The following PTCD1 variants were observed in gnomAD, a reference collection of about 807,000 sequenced individuals.
PTCD1 encodes pentatricopeptide repeat domain 1, also known as pentatricopeptide repeat-containing protein 1, mitochondrial.
A neutral mutation model predicts 53.4 loss-of-function variants in PTCD1; 50 were observed. That is an observed-to-expected ratio of 0.94 (90% confidence interval 0.75 to 1.19). PTCD1 has a LOEUF of 1.19. PTCD1 is among the 50% of genes most tolerant of loss of function. PTCD1 has a pLI of 0.00. For synonymous variants in PTCD1, 413 were observed against 394.8 expected, an observed-to-expected ratio of 1.05 and a Z score of -0.55; for missense variants, 918 against 904.8, an observed-to-expected ratio of 1.01 and a Z score of -0.19.
rs748735202 is a variant in PTCD1 at position 99,425,442 on chromosome 7, T to A, written c.1090A>T (p.Arg364Trp). The change falls in exon 6 of 8, where the codon AGG becomes TGG. Residue 364 changes from arginine to tryptophan, a missense_variant. Transcript: ENST00000292478. Reference protein sequence around the residue: ...LQPPVSRQRPRRTAQAKAGNL... With the variant: ...LQPPVSRQRPWRTAQAKAGNL... The stretch of plus-strand genomic sequence containing the variant: ...CCTGCCTTGGCCTGGGCTGTCCTCC[T>A]TGGCCGCTGCCTGCTCACTGGGGGC... 20 of 1,613,956 alleles carry A rather than the reference T, an allele frequency of 1.2e-5. No individual in the cohort carries two copies. Among genetic ancestry groups the A allele is most frequent in the Non-Finnish European group, 1.7e-5 (20 of 1,180,010 alleles).
intron 3 of PTCD1, chr7:99,433,038 CTG>C: frequency 1.7e-6 from 1 of 602,164 alleles, no homozygotes; most frequent in South Asian, 1.9e-5. Context: ...GAGGCTCCCT[CTG>C]TTTTTTTTTG....
chr7:99,428,335 G>A (rs959153300), intron 5 of PTCD1, among the ~76,000 whole-genome samples: 3 of 150,362 alleles, frequency 2.0e-5, no homozygotes, highest in African/African-American at 7.4e-5. Context: ...CCCAGGAGGT[G>A]GAGCTTGCAG....
At chr7:99,427,731 T>G (rs1584459867) in intron 5 of PTCD1, among the ~76,000 whole-genome samples, 2 of 151,968 alleles carry the variant, frequency 1.3e-5, no homozygotes, top group East Asian at 3.9e-4. Flanking sequence ...GAAGTAGACA[T>G]GGGAGACTTT....
rs1047628192 is a variant in PTCD1, at chr7:99,431,479, C to T, written c.595-1673G>A. ...GTAATGGGCTGGGTGCGGTGGCTCA[C>T]GCCTGTAATTCTAGCACTTTGGGAG... On this transcript the variant is annotated intron_variant, in intron 3 of 7. Transcript: ENST00000292478. Among the ~76,000 whole-genome samples, 10 of 152,280 alleles carry T rather than the reference C, an allele frequency of 6.6e-5. 1 individual carries two copies. The South Asian group carries it at 1.9e-3, about 28-fold the overall frequency.
At chr7:99,427,479 T>TG (rs1168517111) in intron 5 of PTCD1, among the ~76,000 whole-genome samples, 26 of 80,554 alleles carry the variant, frequency 3.2e-4, no homozygotes, top group South Asian at 8.1e-4. Context: ...GGGAGGGAGG[T>TG]GGGGGGGGTC....
rs1796187575 is a variant in PTCD1 at position 99,429,731 on chromosome 7, T to C, written c.670A>G (p.Lys224Glu). The C allele has an allele frequency of 6.2e-7, 1 of 1,614,034 alleles. No homozygotes were observed. Among genetic ancestry groups the C allele is most frequent in the Non-Finnish European group, 8.5e-7 (1 of 1,180,032 alleles). The change falls in exon 4 of 8, where the codon AAG (lysine) becomes GAG (glutamate). Residue 224 changes from lysine (K) to glutamate (E), a missense_variant. Physicochemically the swap from Lys to Glu is moderately conservative, Grantham distance 56 (BLOSUM62 1). Transcript: ENST00000292478. The stretch of plus-strand genomic sequence containing the variant: ...AGGGCGCTCTGTAGAGCTGAGTCCT[T>C]CCAGGGGGACTCGGCACAGACGTTG... ...LFNVCAESPW[K>E]DSALQSALKL... is the part of the protein sequence containing the mutation.
rs761069100 is a variant in PTCD1 at position 99,434,890 on chromosome 7, C to A, written c.353G>T (p.Arg118Ile). The A allele has an allele frequency of 1.2e-6, 2 of 1,614,226 alleles. No individual in the cohort carries two copies. The highest frequency in any genetic ancestry group is 1.1e-5 in the South Asian group (1 of 91,086). The change falls in exon 2 of 8, where the codon AGA becomes ATA. Residue 118 changes from arginine to isoleucine, a missense_variant. Arg to Ile is a moderately conservative substitution (Grantham distance 97). Coordinates refer to ENST00000292478, the MANE Select transcript of PTCD1 (RefSeq NM_015545.4). Reference protein sequence around the residue: ...QFHNLRFGERRDEQMEPEPKL... With the variant: ...QFHNLRFGERIDEQMEPEPKL... ...GGGCTCCGGTTCCATTTGCTCATCT[C>A]TCCGTTCCCCAAACCGCAGGTTATG...
chr7:99,419,084 T>C lies in PTCD1; in HGVS notation c.*883A>G, dbSNP rs1055657398. The C allele has an allele frequency of 1.6e-5, 7 of 424,738 alleles. No homozygotes were observed. The highest frequency in any genetic ancestry group is 6.9e-4 in the Middle Eastern group (1 of 1,458). 26.3% of individuals were successfully genotyped at this position (424,738 alleles called of 1,614,324 possible). A position where few individuals can be genotyped will look rare whatever the true frequency, so the allele number is the denominator to read the frequency against. On this transcript the variant is annotated 3_prime_UTR_variant, in exon 8 of 8. Coordinates refer to ENST00000292478, the MANE Select transcript of PTCD1 (RefSeq NM_015545.4). Reference sequence around the variant, plus strand: ...CGTCTGCTCATCGCAGGGTCTGTCATGCTCACTTAGCAGAATAACGAGACT... The same window carrying C: ...CGTCTGCTCATCGCAGGGTCTGTCACGCTCACTTAGCAGAATAACGAGACT...
At chr7:99,427,157 C>G (rs1311084989) in intron 5 of PTCD1, among the ~76,000 whole-genome samples, 1 of 148,906 alleles carries the variant, frequency 6.7e-6, no homozygotes, top group Non-Finnish European at 1.5e-5. Flanking sequence ...CCCGGCCAGC[C>G]GCCCCGTCCG....
In PTCD1 at chr7:99,417,305, G is replaced by C. The variant is rs560045901; in HGVS notation, c.*2662C>G. 2 of 942,296 alleles carry C rather than the reference G, an allele frequency of 2.1e-6. No homozygotes were observed. Among genetic ancestry groups the C allele is most frequent in the African/African-American group, 3.3e-5 (2 of 61,284 alleles). The allele number at this position is 942,296 out of a possible 1,614,324, so 58.4% of individuals were successfully genotyped here. ...TGACCTCAGGTGATCCGCCTGCCTC[G>C]GCCTCCCAAAGTGCTGGGATTACAG... On this transcript the variant is annotated 3_prime_UTR_variant, in exon 8 of 8. Transcript: ENST00000292478.
rs1796609802 is a variant in PTCD1, at chr7:99,438,759, T to C, written c.-94A>G. On this transcript the variant is annotated 5_prime_UTR_variant, in exon 1 of 8. Coordinates refer to ENST00000292478, the MANE Select transcript of PTCD1 (RefSeq NM_015545.4). ...CGGTCCCCGCGGCGAACCAGTCTCT[T>C]CCTCGGGTCCCCCTCTCCCCAAGCG... is the stretch of plus-strand genomic sequence containing the variant. 4 of 1,338,564 alleles carry C rather than the reference T, an allele frequency of 3.0e-6. No homozygotes were observed. Among genetic ancestry groups the C allele is most frequent in the African/African-American group, 1.5e-5 (1 of 67,340 alleles). 82.9% of individuals were successfully genotyped at this position (1,338,564 alleles called of 1,614,324 possible). A position where few individuals can be genotyped will look rare whatever the true frequency, so the allele number is the denominator to read the frequency against.
chr7:99,424,878 C>T lies in PTCD1; in HGVS notation c.1654G>A (p.Val552Ile), dbSNP rs147201614. Residue 552 changes from valine to isoleucine, a missense_variant, in exon 6 of 8, where the codon GTC (valine) becomes ATC (isoleucine). Physicochemically the swap from Val to Ile is conservative, Grantham distance 29 (BLOSUM62 3). Transcript: ENST00000292478. ...LLPVLAKRGL[V>I]PNLQTFCNLA... ...TTGCAGAATGTCTGCAGGTTGGGGA[C>T]GAGGCCCCTCTTTGCCAGGACCGGC... 6.2e-6 allele frequency: 10 copies of T among 1,614,230 alleles called. No individual in the cohort carries two copies. Among genetic ancestry groups the T allele is most frequent in the South Asian group, 5.5e-5 (5 of 91,088 alleles).
At chr7:99,422,902 A>T (rs1795879129) in intron 7 of PTCD1, among the ~76,000 whole-genome samples, 1 of 151,982 alleles carries the variant, frequency 6.6e-6, no homozygotes, top group South Asian at 2.1e-4. Flanking sequence ...TGTAAATCAG[A>T]CACCACCTCC....
In PTCD1 at chr7:99,423,918, G is replaced by A. The variant is rs1227393126; in HGVS notation, c.1777C>T (p.Leu593Phe). 6 of 1,614,188 alleles carry A rather than the reference G, an allele frequency of 3.7e-6. No homozygotes were observed. The highest frequency in any genetic ancestry group is 2.2e-5 in the South Asian group (2 of 91,084). Residue 593 changes from leucine to phenylalanine, a missense_variant, in exon 7 of 8, where the codon CTC becomes TTC. Transcript: ENST00000292478. ...AGCTTCCTGATGGCCGCGTTGATGA[G>A]GGCACTGTAGATGTGAGTGTTGGGG... ...VTPNTHIYSA[L>F]INAAIRKLNY...
Position 99,420,037 on chromosome 7 carries a change from C to T in PTCD1, c.2033G>A (p.Arg678Gln), listed in dbSNP as rs150466149. ...EETPHPWQKF[R>Q]TKPQGDQDTG... ...GTCCTGGTCCCCCTGGGGCTTGGTCCGGAACTTCTGCCAGGGGTGCGGGGT... is the reference window on the plus strand; with the variant it reads ...GTCCTGGTCCCCCTGGGGCTTGGTCTGGAACTTCTGCCAGGGGTGCGGGGT... The change falls in exon 8 of 8, where the codon CGG (arginine) becomes CAG (glutamine). Residue 678 changes from arginine to glutamine, a missense_variant. Arg to Gln is a conservative substitution (Grantham distance 43). Coordinates refer to ENST00000292478, the MANE Select transcript of PTCD1 (RefSeq NM_015545.4). The T allele has an allele frequency of 1.6e-4, 252 of 1,614,178 alleles. 1 individual carries two copies. The East Asian group carries it at 4.0e-3, about 26-fold the overall frequency.
chr7:99,420,414 A>G (rs1335377532), intron 7 of PTCD1, among the ~76,000 whole-genome samples: 2 of 152,088 alleles, frequency 1.3e-5, no homozygotes, highest in Non-Finnish European at 1.5e-5. Context: ...GTGCTCCTCC[A>G]TCCGCAGTTG....
At chr7:99,425,637 G>A (rs369078433) in intron 5 of PTCD1, 21 bp from the exon 6 acceptor site, 47 of 1,595,942 alleles carry the variant, frequency 2.9e-5, no homozygotes, top group African/African-American at 8.1e-5. Context: ...AGAGACAAAC[G>A]TCAGCTGGGT....
Position 99,419,657 on chromosome 7 carries a change from C to A in PTCD1, c.*310G>T. 1.4e-6 allele frequency: 1 copy of A among 729,890 alleles called. No homozygotes were observed. The highest frequency in any genetic ancestry group is 2.2e-6 in the Non-Finnish European group (1 of 454,092). 45.2% of individuals were successfully genotyped at this position (729,890 alleles called of 1,614,324 possible). Reference sequence around the variant, plus strand: ...TTTCAGAGCATCGGCCTATGGAACCCGGCGGGGCGGCCCAGGCCCCAGGGA... The same window carrying A: ...TTTCAGAGCATCGGCCTATGGAACCAGGCGGGGCGGCCCAGGCCCCAGGGA... On this transcript the variant is annotated 3_prime_UTR_variant, in exon 8 of 8. Transcript: ENST00000292478.
At chr7:99,432,601 C>T (rs1461562810) in intron 3 of PTCD1, among the ~76,000 whole-genome samples, 1 of 148,858 alleles carries the variant, frequency 6.7e-6, no homozygotes, top group Non-Finnish European at 1.5e-5. Flanking sequence ...GCAGGTCCTC[C>T]GTATGCGCAG....
Sources: gnomAD v4.1 joint callset for allele counts (sites outside exome capture counted in the v4.1 genomes callset) on GRCh38, gnomAD v4.1.1 for gene constraint, MANE v1.5 for transcripts, NCBI Gene and HGNC (gene_info 2026-07-23, HGNC 2026-07-21) for gene names.